Variants in GALNTL6 observed in about 807,000 individuals in gnomAD.
GALNTL6 encodes the protein polypeptide N-acetylgalactosaminyltransferase-like 6.
GALNTL6 carries 46 observed loss-of-function variants against 73.7 expected under a neutral mutation model. That is an observed-to-expected ratio of 0.62 (90% CI 0.49 to 0.80). The LOEUF (loss-of-function observed/expected upper bound fraction) is 0.80. Ranked by LOEUF, GALNTL6 falls within the 30% of genes least tolerant of loss-of-function variation. The pLI is 0.00. For missense variants in GALNTL6, 604 were observed against 755.0 expected (o/e 0.80, Z 2.34); for synonymous variants, 259 against 263.7 (o/e 0.98, Z 0.17).
intron 5 of GALNTL6, among the ~76,000 whole-genome samples, chr4:172,650,156 G>A (rs1740411574): frequency 6.6e-6 from 1 of 152,178 alleles, no homozygotes; most frequent in African/African-American, 2.4e-5. Context: ...CTTTTGGGAT[G>A]TCCATCTGGT....
At chr4:171,953,944 T>G (rs1485262026) in intron 2 of GALNTL6, among the ~76,000 whole-genome samples, 3 of 149,472 alleles carry the variant, frequency 2.0e-5, no homozygotes. Flanking sequence ...ACAAATCTTA[T>G]TATGGGTTTC....
intron 2 of GALNTL6, among the ~76,000 whole-genome samples, chr4:172,132,666 T>C (rs1733530874): frequency 6.6e-6 from 1 of 152,164 alleles, no homozygotes. Context: ...ACTCTATTTG[T>C]GTTTTTACTA....
chr4:172,287,382 GA>G (rs911097736), intron 3 of GALNTL6, among the ~76,000 whole-genome samples: 1 of 152,116 alleles, frequency 6.6e-6, no homozygotes, highest in Non-Finnish European at 1.5e-5. Flanking sequence ...CTTCTCATTT[GA>G]TCCTTAATTA....
intron 2 of GALNTL6, among the ~76,000 whole-genome samples, chr4:171,952,043 CA>C (rs1015137779): frequency 5.3e-5 from 8 of 151,522 alleles, no homozygotes; most frequent in Non-Finnish European, 7.4e-5. Flanking sequence ...AATAGAGTAA[CA>C]AAAAAACCAT....
At chr4:172,414,325 A>G (rs1333288325) in intron 5 of GALNTL6, among the ~76,000 whole-genome samples, 1 of 152,146 alleles carries the variant, frequency 6.6e-6, no homozygotes, top group Admixed American at 6.5e-5. Flanking sequence ...CAAAATGTAT[A>G]ATTATATTTT....
At chr4:172,421,331 G>C (rs1189197701) in intron 5 of GALNTL6, among the ~76,000 whole-genome samples, 3 of 151,976 alleles carry the variant, frequency 2.0e-5, no homozygotes, top group African/African-American at 7.2e-5. Flanking sequence ...TTAATATAAA[G>C]TAGGATAGTT....
Position 172,488,279 on chromosome 4 carries a change from T to G in GALNTL6, c.553+139590T>G, listed in dbSNP as rs113067360. On this transcript the variant is annotated intron_variant, in intron 5 of 12. Coordinates refer to ENST00000506823, the MANE Select transcript of GALNTL6 (RefSeq NM_001034845.3). The stretch of plus-strand genomic sequence containing the variant: ...TGCTCCAGAACAGGCCTCCTCTAAC[T>G]TATTTGATTATGCTCATGGATTTTG... Among the ~76,000 whole-genome samples, 1,124 of 152,314 alleles carry G rather than the reference T, an allele frequency of 7.4e-3. 18 individuals are homozygous for G. The highest frequency in any genetic ancestry group is 0.025 in the African/African-American group (1,056 of 41,560).
chr4:172,223,084 T>A (rs548368713), intron 2 of GALNTL6, among the ~76,000 whole-genome samples: 12 of 152,136 alleles, frequency 7.9e-5, no homozygotes, highest in Admixed American at 7.9e-4. Context: ...GCTTAGTACA[T>A]CTTTCTGCCT....
chr4:172,139,742 A>C (rs1172451449), intron 2 of GALNTL6, among the ~76,000 whole-genome samples: 1 of 152,204 alleles, frequency 6.6e-6, no homozygotes, highest in Non-Finnish European at 1.5e-5. Flanking sequence ...GCCCTTTTAG[A>C]AATAGATCAT....
rs115603363 is a variant in GALNTL6 at position 172,703,395 on chromosome 4, T to C, written c.554-105966T>C. ...CTATGTCTAGTTTGTTAAGTATTTT[T>C]ATTATGAAGGAAAGTTGAACTTTAT... On this transcript the variant is annotated intron_variant, in intron 5 of 12. Transcript: ENST00000506823. Among the ~76,000 whole-genome samples, 661 of 152,146 alleles carry C rather than the reference T, an allele frequency of 4.3e-3. 7 individuals carry two copies. The highest frequency in any genetic ancestry group is 0.015 in the African/African-American group (613 of 41,558).
chr4:172,488,693 C>A (rs549536889), intron 5 of GALNTL6, among the ~76,000 whole-genome samples: 1 of 152,152 alleles, frequency 6.6e-6, no homozygotes, highest in Non-Finnish European at 1.5e-5. Flanking sequence ...ATTATATGAC[C>A]TAGATTCAAT....
intron 2 of GALNTL6, among the ~76,000 whole-genome samples, chr4:172,011,891 T>C (rs1452018098): frequency 6.6e-6 from 1 of 152,028 alleles, no homozygotes; most frequent in Non-Finnish European, 1.5e-5. Context: ...AAAGAATAAA[T>C]GAATTTTTCA....
chr4:172,465,202 G>A lies in GALNTL6; in HGVS notation c.553+116513G>A, dbSNP rs115717616. Among the ~76,000 whole-genome samples the A allele has an allele frequency of 7.9e-3, 1,206 of 152,280 alleles. 5 individuals are homozygous for A. Among genetic ancestry groups the A allele is most frequent in the Non-Finnish European group, 0.013 (884 of 68,030 alleles). Reference sequence around the variant, plus strand: ...TATTTAAGAAACTAGTACTGGCAGCGCGCGGTGGCTCACGCCTGTAATCCC... The same window carrying A: ...TATTTAAGAAACTAGTACTGGCAGCACGCGGTGGCTCACGCCTGTAATCCC... On this transcript the variant is annotated intron_variant, in intron 5 of 12. Coordinates refer to ENST00000506823, the MANE Select transcript of GALNTL6 (RefSeq NM_001034845.3).
intron 5 of GALNTL6, among the ~76,000 whole-genome samples, chr4:172,784,283 C>A (rs1389940589): frequency 6.6e-6 from 1 of 151,918 alleles, no homozygotes; most frequent in Admixed American, 6.6e-5. Flanking sequence ...TATTAACATT[C>A]CTATATTTAA....
chr4:171,834,849 G>A (rs1735059952), intron 2 of GALNTL6, among the ~76,000 whole-genome samples: 2 of 151,940 alleles, frequency 1.3e-5, no homozygotes, highest in South Asian at 4.1e-4. Flanking sequence ...ACCAGGGGGA[G>A]GAGTACTTTG....
intron 12 of GALNTL6, among the ~76,000 whole-genome samples, chr4:173,038,699 C>T (rs1054089059): frequency 6.6e-6 from 1 of 152,166 alleles, no homozygotes; most frequent in African/African-American, 2.4e-5. Flanking sequence ...CTTTCTCCTT[C>T]CTTATTCTTT....
chr4:172,149,642 A>G (rs568681787), intron 2 of GALNTL6, among the ~76,000 whole-genome samples: 289 of 152,154 alleles, frequency 1.9e-3, no homozygotes, highest in African/African-American at 6.6e-3. Context: ...GATGCTTCCA[A>G]TCACCATTTC....
At chr4:171,879,918 T>C (rs747732131) in intron 2 of GALNTL6, among the ~76,000 whole-genome samples, 3 of 152,190 alleles carry the variant, frequency 2.0e-5, no homozygotes, top group Non-Finnish European at 2.9e-5. Context: ...TTTGGGCAAG[T>C]ATCTTTTCAT....
At chr4:172,933,504 T>C (rs1376558510) in intron 9 of GALNTL6, among the ~76,000 whole-genome samples, 1 of 152,172 alleles carries the variant, frequency 6.6e-6, no homozygotes, top group African/African-American at 2.4e-5. Context: ...AAAAAGTCCA[T>C]AATTCTGAAT....
Sources: gnomAD v4.1 joint callset for allele counts (sites outside exome capture counted in the v4.1 genomes callset) on GRCh38, gnomAD v4.1.1 for gene constraint, MANE v1.5 for transcripts, NCBI Gene and HGNC (gene_info 2026-07-23, HGNC 2026-07-21) for gene names.